Variants in NPIPB2 observed in about 807,000 individuals in gnomAD.
NPIPB2 encodes the protein nuclear pore complex-interacting protein family member B2.
In NPIPB2, 27 loss-of-function variants were observed where a neutral mutation model predicts 30.8. That is an observed-to-expected ratio of 0.88 (90% CI 0.65 to 1.21). NPIPB2 has a LOEUF of 1.21. NPIPB2 is among the 50% of genes most tolerant of loss of function. The pLI is 0.00. For synonymous variants in NPIPB2, 147 were observed against 162.0 expected (o/e 0.91, Z 0.70); for missense variants, 440 against 446.2 (o/e 0.99, Z 0.13).
chr16:11,932,032 G>T (rs2054796289), intron 4 of NPIPB2, among the ~76,000 whole-genome samples: 1 of 151,106 alleles, frequency 6.6e-6, no homozygotes, highest in South Asian at 2.1e-4. Context: ...GACCCATACT[G>T]AAGTCCACTG....
At chr16:11,943,145 C>A (rs1458475400), upstream of NPIPB2, among the ~76,000 whole-genome samples, 2 of 151,530 alleles carry the variant, frequency 1.3e-5, no homozygotes, top group African/African-American at 2.4e-5. Flanking sequence ...TATGGTGAAA[C>A]CCTGTCTCTA....
intron 1 of NPIPB2, among the ~76,000 whole-genome samples, chr16:11,958,915 T>C (rs2055134812): frequency 6.6e-6 from 1 of 152,002 alleles, no homozygotes; most frequent in Non-Finnish European, 1.5e-5. Flanking sequence ...GATCTGGGAG[T>C]GGGACCAGAG....
chr16:11,950,571 C>G (rs1045034009), intron 1 of NPIPB2, among the ~76,000 whole-genome samples: 2 of 152,122 alleles, frequency 1.3e-5, no homozygotes, highest in Non-Finnish European at 2.9e-5. Context: ...AGAGTTTATG[C>G]AAAGTCCCTA....
At chr16:11,942,531 A>G (rs1372619693), upstream of NPIPB2, among the ~76,000 whole-genome samples, 2 of 151,876 alleles carry the variant, frequency 1.3e-5, no homozygotes, top group East Asian at 3.9e-4. Context: ...TATCTATATC[A>G]TCTTACTGCC....
exon 2 of NPIPB2, chr16:11,937,567 G>T: frequency 6.3e-7 from 1 of 1,599,326 alleles, no homozygotes; most frequent in Middle Eastern, 1.7e-4. Context: ...AGAGGGTAAG[G>T]ACAACTTTAT....
At chr16:11,948,346 C>A (rs1567472354) in intron 1 of NPIPB2, among the ~76,000 whole-genome samples, 1 of 152,058 alleles carries the variant, frequency 6.6e-6, no homozygotes, top group Admixed American at 6.6e-5. Context: ...GGTCATTGTG[C>A]GTCTGTGAGG....
At chr16:11,966,106 G>A (rs1296753034) in intron 1 of NPIPB2, 1 of 1,368,916 alleles carries the variant, frequency 7.3e-7, no homozygotes, top group Non-Finnish European at 9.8e-7. Flanking sequence ...GCAAGACTTT[G>A]TCTCAAAATA....
chr16:11,948,766 CAAAAAAAAAAAAAAA>C (rs34639444), intron 1 of NPIPB2, among the ~76,000 whole-genome samples: 2 of 67,242 alleles, frequency 3.0e-5, no homozygotes, highest in East Asian at 5.4e-4. Context: ...GACTCCGTCT[CAAAAAAAAAAAAAAA>C]AAAAAAAAAA....
upstream of NPIPB2, among the ~76,000 whole-genome samples, chr16:11,943,377 T>C (rs953948873): frequency 1.3e-5 from 2 of 152,018 alleles, no homozygotes; most frequent in African/African-American, 4.8e-5. Flanking sequence ...AACTATGGAA[T>C]TCAATTCTAT....
chr16:11,969,024 G>A (rs2055218127), intron 1 of NPIPB2, among the ~76,000 whole-genome samples: 1 of 151,836 alleles, frequency 6.6e-6, no homozygotes, highest in South Asian at 2.1e-4. Context: ...GTGGCACCAT[G>A]CCCTGCTGAT....
intron 1 of NPIPB2, among the ~76,000 whole-genome samples, chr16:11,976,302 A>T (rs2055295514): frequency 6.6e-6 from 1 of 152,184 alleles, no homozygotes; most frequent in Non-Finnish European, 1.5e-5. Flanking sequence ...TCCTTATGGA[A>T]CACTTTCCCT....
chr16:11,948,130 T>G (rs373233115), intron 1 of NPIPB2, among the ~76,000 whole-genome samples: 2 of 151,574 alleles, frequency 1.3e-5, no homozygotes, highest in South Asian at 2.1e-4. Flanking sequence ...AAAACATGGC[T>G]TTCCTGCAGG....
chr16:11,964,951 T>TAA (rs2055181639), intron 1 of NPIPB2, among the ~76,000 whole-genome samples: 1 of 152,210 alleles, frequency 6.6e-6, no homozygotes, highest in Non-Finnish European at 1.5e-5. Context: ...TATTAACAGA[T>TAA]GTTCCAGAAA....
intron 1 of NPIPB2, 120 bp from the exon 2 acceptor site, chr16:11,937,788 T>C: frequency 7.0e-7 from 1 of 1,429,000 alleles, no homozygotes; most frequent in Non-Finnish European, 9.5e-7. Context: ...CCCTCAGATA[T>C]CACCGTGGGA....
At chr16:11,960,774 C>T (rs1596504711) in intron 1 of NPIPB2, among the ~76,000 whole-genome samples, 4 of 152,124 alleles carry the variant, frequency 2.6e-5, no homozygotes, top group South Asian at 2.1e-4. Flanking sequence ...TTTAGTGCAT[C>T]GCCCCTGATC....
chr16:11,941,717 C>G, intron 1 of NPIPB2: 1 of 754,550 alleles, frequency 1.3e-6, no homozygotes, highest in Non-Finnish European at 2.2e-6. Context: ...TGGTGCCTCA[C>G]AATGGACGTG....
chr16:11,948,783 A>AG (rs1318534672), intron 1 of NPIPB2, among the ~76,000 whole-genome samples: 4 of 135,004 alleles, frequency 3.0e-5, no homozygotes, highest in Non-Finnish European at 6.1e-5. Context: ...AAAAAAAAAA[A>AG]AAAAAAAAAA....
rs1175557209 is a variant in NPIPB2 at position 11,975,255 on chromosome 16, C to G, written c.-584+1313G>C. ...CTCCGCCTCCCGGGTTCACGCCATT[C>G]TCCTGCCTCAGCCTCCCAAGTAGCT... On this transcript the variant is annotated intron_variant, in intron 1 of 5. Coordinates refer to the NPIPB2 transcript ENST00000538896. Among the ~76,000 whole-genome samples, 5 of 115,800 alleles carry G rather than the reference C, an allele frequency of 4.3e-5. No homozygotes were observed. The East Asian group carries it at 1.6e-3, about 36-fold the overall frequency. 76.0% of individuals were successfully genotyped at this position (115,800 alleles called of 152,430 possible). A position where few individuals can be genotyped will look rare whatever the true frequency, so the allele number is the denominator to read the frequency against.
At chr16:11,933,605 C>G in exon 4 of NPIPB2, 4 of 1,462,980 alleles carry the variant, frequency 2.7e-6, no homozygotes, top group Non-Finnish European at 3.6e-6. Context: ...TTAGCTCTAC[C>G]TTTTGTTTCC....
Sources: gnomAD v4.1 joint callset for allele counts (sites outside exome capture counted in the v4.1 genomes callset) on GRCh38, gnomAD v4.1.1 for gene constraint, MANE v1.5 for transcripts, NCBI Gene and HGNC (gene_info 2026-07-23, HGNC 2026-07-21) for gene names.